The following PRKG1 variants were observed in gnomAD, a reference collection of about 807,000 sequenced individuals.
The protein encoded by PRKG1 is cGMP-dependent protein kinase 1.
PRKG1 carries 35 observed loss-of-function variants against 88.1 expected under a neutral mutation model. That is an observed-to-expected ratio of 0.40 (90% CI 0.30 to 0.53). PRKG1 has a LOEUF of 0.53. PRKG1 is among the 20% of genes least tolerant of loss of function. PRKG1 has a pLI of 0.59. For missense variants in PRKG1, 540 were observed against 839.8 expected, an observed-to-expected ratio of 0.64 and a Z score of 4.41; for synonymous variants, 303 against 292.5, an observed-to-expected ratio of 1.04 and a Z score of -0.37.
At chr10:51,534,782 A>C (rs1383570283) in intron 3 of PRKG1, among the ~76,000 whole-genome samples, 1 of 152,178 alleles carries the variant, frequency 6.6e-6, no homozygotes, top group Non-Finnish European at 1.5e-5. Context: ...TATTTTAAAA[A>C]TAAGTAGTGA....
At chr10:51,188,181 G>C (rs915536904) in intron 2 of PRKG1, among the ~76,000 whole-genome samples, 2 of 151,948 alleles carry the variant, frequency 1.3e-5, no homozygotes, top group Admixed American at 1.3e-4. Context: ...GTGTTTATTG[G>C]CTGCCCTCAG....
rs565720902 is a variant in PRKG1, at chr10:51,699,105, G to C, written c.593-105480G>C. ...TCCTGGTGGCTGTTTTGGACACAGA[G>C]CTTCATCTGCTTCATCAGCTCAAAC... On this transcript the variant is annotated intron_variant, in intron 3 of 17. Coordinates refer to ENST00000373980, the MANE Select transcript of PRKG1 (RefSeq NM_006258.4). The C allele has an allele frequency of 1.5e-4, 248 of 1,614,210 alleles. 1 individual carries two copies. In the South Asian group the frequency reaches 2.5e-3, roughly 16 times the overall value.
intron 5 of PRKG1, among the ~76,000 whole-genome samples, chr10:52,026,800 C>T (rs1362486938): frequency 1.3e-5 from 2 of 152,124 alleles, no homozygotes; most frequent in Non-Finnish European, 2.9e-5. Flanking sequence ...CACGGGGAAA[C>T]CCTGCCTCTA....
chr10:51,690,662 T>C (rs541314608), intron 3 of PRKG1, among the ~76,000 whole-genome samples: 1 of 152,160 alleles, frequency 6.6e-6, no homozygotes, highest in Non-Finnish European at 1.5e-5. Context: ...GCGCTGTGGC[T>C]CACACCTGTA....
At chr10:51,493,089 T>C (rs1415650106) in intron 3 of PRKG1, among the ~76,000 whole-genome samples, 1 of 152,164 alleles carries the variant, frequency 6.6e-6, no homozygotes, top group Non-Finnish European at 1.5e-5. Context: ...TATATCCTAT[T>C]AACTCATGAG....
intron 5 of PRKG1, among the ~76,000 whole-genome samples, chr10:51,920,235 C>T (rs1387080379): frequency 6.6e-6 from 1 of 152,156 alleles, no homozygotes; most frequent in Admixed American, 6.6e-5. Flanking sequence ...TTCTATCATC[C>T]TTCTCCTTTC....
At chr10:51,008,048 A>C (rs575700759) in intron 1 of PRKG1, among the ~76,000 whole-genome samples, 7 of 152,172 alleles carry the variant, frequency 4.6e-5, no homozygotes, top group Non-Finnish European at 8.8e-5. Context: ...CTCTGACACT[A>C]TACTACATGA....
chr10:51,243,038 G>T (rs191007116), intron 2 of PRKG1, among the ~76,000 whole-genome samples: 1 of 152,262 alleles, frequency 6.6e-6, no homozygotes, highest in East Asian at 1.9e-4. Flanking sequence ...TGAATAATAA[G>T]AATTGATATG....
At chr10:51,676,082 C>A (rs1840702395) in intron 3 of PRKG1, among the ~76,000 whole-genome samples, 1 of 146,244 alleles carries the variant, frequency 6.8e-6, no homozygotes, top group East Asian at 2.0e-4. Flanking sequence ...CCAGCCTGGG[C>A]AAAATAGTGA....
intron 5 of PRKG1, among the ~76,000 whole-genome samples, chr10:52,001,371 A>G (rs980441527): frequency 2.0e-5 from 3 of 151,994 alleles, no homozygotes; most frequent in African/African-American, 4.8e-5. Flanking sequence ...CCATAAAAAA[A>G]AAAAACATAA....
intron 4 of PRKG1, among the ~76,000 whole-genome samples, chr10:51,889,914 T>A (rs1841674341): frequency 6.6e-6 from 1 of 152,230 alleles, no homozygotes; most frequent in South Asian, 2.1e-4. Context: ...TATTTGTTTT[T>A]TTCTTGTAAG....
At chr10:51,982,400 G>A (rs1387381717) in intron 5 of PRKG1, among the ~76,000 whole-genome samples, 2 of 152,212 alleles carry the variant, frequency 1.3e-5, no homozygotes, top group Admixed American at 1.3e-4. Context: ...GGCTTTCTGA[G>A]TTGTCAGAGT....
At chr10:51,636,788 T>C (rs1839666982) in intron 3 of PRKG1, among the ~76,000 whole-genome samples, 1 of 152,236 alleles carries the variant, frequency 6.6e-6, no homozygotes, top group Non-Finnish European at 1.5e-5. Context: ...ATCAATTTCC[T>C]TTTCTTTTAT....
chr10:51,948,233 A>G (rs1440222060), intron 5 of PRKG1, among the ~76,000 whole-genome samples: 1 of 152,182 alleles, frequency 6.6e-6, no homozygotes, highest in African/African-American at 2.4e-5. Context: ...ATTGCCATAC[A>G]TAGAACAATT....
At chr10:51,209,537 T>C (rs1838157777) in intron 2 of PRKG1, among the ~76,000 whole-genome samples, 2 of 152,222 alleles carry the variant, frequency 1.3e-5, no homozygotes, top group African/African-American at 4.8e-5. Flanking sequence ...TTTCTTGTTT[T>C]AGTAGTTACT....
At chr10:52,210,292 T>G (rs1589702284) in intron 9 of PRKG1, among the ~76,000 whole-genome samples, 1 of 152,010 alleles carries the variant, frequency 6.6e-6, no homozygotes, top group South Asian at 2.1e-4. Flanking sequence ...GTTTGAAGCT[T>G]GTTAAGTCTC....
chr10:51,297,360 G>A (rs59054302), intron 2 of PRKG1, among the ~76,000 whole-genome samples: 56 of 152,150 alleles, frequency 3.7e-4, no homozygotes, highest in African/African-American at 1.3e-3. Context: ...TTACTATCTG[G>A]AATATAATAA....
At chr10:51,413,311 C>G (rs1481000679) in intron 2 of PRKG1, among the ~76,000 whole-genome samples, 2 of 151,838 alleles carry the variant, frequency 1.3e-5, no homozygotes, top group African/African-American at 4.8e-5. Flanking sequence ...TAACTTAAGC[C>G]CTTATTAGAA....
chr10:52,043,275 T>A (rs1845790488), intron 5 of PRKG1, among the ~76,000 whole-genome samples: 1 of 152,138 alleles, frequency 6.6e-6, no homozygotes, highest in East Asian at 1.9e-4. Flanking sequence ...CTTCGGTGTT[T>A]ATTGCAGCAC....
Sources: gnomAD v4.1 joint callset for allele counts (sites outside exome capture counted in the v4.1 genomes callset) on GRCh38, gnomAD v4.1.1 for gene constraint, MANE v1.5 for transcripts, NCBI Gene and HGNC (gene_info 2026-07-23, HGNC 2026-07-21) for gene names.